The following DMD variants were observed in gnomAD, a reference collection of about 807,000 sequenced individuals.
DMD encodes mutant dystrophin.
Under a neutral mutation model 330.1 loss-of-function variants are expected in DMD, and 63 were observed. The ratio of observed to expected loss-of-function variants is 0.19; its 90% confidence interval spans 0.16 to 0.24. DMD has a LOEUF of 0.24. DMD is among the 10% of genes least tolerant of loss of function. The pLI is 1.00. For missense variants in DMD, 3,344 were observed against 2,684.1 expected, an observed-to-expected ratio of 1.25 and a Z score of -5.43; for synonymous variants, 1,223 against 959.8, an observed-to-expected ratio of 1.27 and a Z score of -5.07.
chrX:32,166,187 G>C (rs1167853903), intron 44 of DMD, among the ~76,000 whole-genome samples: 1 of 111,472 alleles, frequency 9.0e-6, no homozygotes, highest in Non-Finnish European at 1.9e-5. Context: ...GGGCATGGTG[G>C]TTCATGCCTG....
intron 62 of DMD, among the ~76,000 whole-genome samples, chrX:31,275,683 G>A (rs2052053088): frequency 9.0e-6 from 1 of 111,399 alleles, no homozygotes; most frequent in Non-Finnish European, 1.9e-5. Context: ...TGTATGCCAA[G>A]TAGATGATGA....
intron 23 of DMD, among the ~76,000 whole-genome samples, chrX:32,467,362 C>A (rs1223061924): frequency 9.0e-6 from 1 of 110,743 alleles, no homozygotes; most frequent in Non-Finnish European, 1.9e-5. Context: ...GACCTTAATG[C>A]AATTGTTGGT....
chrX:31,340,394 G>A (rs2057665245), intron 61 of DMD, among the ~76,000 whole-genome samples: 1 of 111,805 alleles, frequency 8.9e-6, no homozygotes, highest in African/African-American at 3.2e-5. Flanking sequence ...TACCTTTATT[G>A]TTTTTTTTCC....
intron 67 of DMD, among the ~76,000 whole-genome samples, chrX:31,195,531 C>G (rs1464133872): frequency 9.0e-6 from 1 of 110,670 alleles, no homozygotes; most frequent in African/African-American, 3.3e-5. Context: ...TGTAAAAGAA[C>G]AAGATATAAA....
chrX:33,195,940 C>T (rs1446868759), intron 1 of DMD, among the ~76,000 whole-genome samples: 1 of 111,463 alleles, frequency 9.0e-6, no homozygotes, highest in Admixed American at 9.6e-5. Context: ...ATAATAAGCA[C>T]AGGCTATCTC....
At chrX:32,768,441 G>A (rs756601863) in intron 7 of DMD, among the ~76,000 whole-genome samples, 1 of 112,069 alleles carries the variant, frequency 8.9e-6, no homozygotes, top group African/African-American at 3.2e-5. Context: ...ACCAAGACAA[G>A]TGTATCTGAT....
At chrX:31,521,009 C>T (rs2072703364) in intron 55 of DMD, among the ~76,000 whole-genome samples, 1 of 111,193 alleles carries the variant, frequency 9.0e-6, no homozygotes, top group Non-Finnish European at 1.9e-5. Context: ...AGAACAAGTA[C>T]ATTTGGAAAA....
chrX:31,156,770 A>G (rs1390953113), intron 74 of DMD, among the ~76,000 whole-genome samples: 3 of 112,144 alleles, frequency 2.7e-5, no homozygotes, highest in Admixed American at 9.5e-5. Context: ...AAAACTTCCT[A>G]TAAAAAGAAA....
intron 72 of DMD, 66 bp downstream of exon 72, chrX:31,173,473 A>G: frequency 9.0e-7 from 1 of 1,112,688 alleles, no homozygotes; most frequent in Non-Finnish European, 1.2e-6. Flanking sequence ...TTAAAATATC[A>G]TAGGTTAGCT....
chrX:31,932,016 A>C lies in DMD; in HGVS notation c.6762+64T>G. 3.5e-6 allele frequency: 4 copies of C among 1,148,388 alleles called. No homozygotes were observed. The Admixed American group carries it at 8.9e-5, about 25-fold the overall frequency. The allele number at this position is 1,148,388 out of a possible 1,213,427, so 94.6% of individuals were successfully genotyped here. On this transcript the variant is annotated intron_variant, in intron 46 of 78. Coordinates refer to ENST00000357033, the MANE Select transcript of DMD (RefSeq NM_004006.3). ...GGGCAGAAAACCAATGATTGAATTA[A>C]AAAATAGATTCATATACTTCTTTAT...
intron 4 of DMD, among the ~76,000 whole-genome samples, chrX:32,842,394 G>T (rs1365821088): frequency 8.9e-6 from 1 of 112,090 alleles, no homozygotes; most frequent in Non-Finnish European, 1.9e-5. Context: ...CATTGTAATA[G>T]TGTAAACAAA....
chrX:32,332,268 G>C (rs1176331588), intron 41 of DMD, among the ~76,000 whole-genome samples: 9 of 111,120 alleles, frequency 8.1e-5, no homozygotes, highest in Non-Finnish European at 1.5e-4. Flanking sequence ...GGGAAAAAAA[G>C]ACAATTTTTT....
intron 44 of DMD, among the ~76,000 whole-genome samples, chrX:32,168,143 C>T (rs1426167696): frequency 8.9e-6 from 1 of 111,846 alleles, no homozygotes; most frequent in Non-Finnish European, 1.9e-5. Flanking sequence ...TAAAGTAATT[C>T]ATTGGCATGA....
intron 61 of DMD, among the ~76,000 whole-genome samples, chrX:31,336,156 A>C (rs1330477628): frequency 8.9e-6 from 1 of 112,590 alleles, no homozygotes; most frequent in East Asian, 2.8e-4. Context: ...AACTTCAAAT[A>C]ATTCCTCAGG....
At chrX:33,329,374 G>A (rs1159622484) in intron 1 of DMD, among the ~76,000 whole-genome samples, 1 of 112,005 alleles carries the variant, frequency 8.9e-6, no homozygotes, top group Non-Finnish European at 1.9e-5. Context: ...CTAAAGATGA[G>A]TATTTCACTA....
chrX:33,233,509 C>A (rs1342138819), intron 1 of DMD, among the ~76,000 whole-genome samples: 1 of 112,529 alleles, frequency 8.9e-6, no homozygotes, highest in Non-Finnish European at 1.9e-5. Context: ...TTAGATGGAT[C>A]ATTAAGCAAT....
At chrX:31,150,106 T>A (rs2037220325) in intron 74 of DMD, among the ~76,000 whole-genome samples, 1 of 112,065 alleles carries the variant, frequency 8.9e-6, no homozygotes, top group Admixed American at 9.4e-5. Context: ...TAATTTTTGA[T>A]TATTTGTAGC....
intron 32 of DMD, among the ~76,000 whole-genome samples, chrX:32,388,170 T>C (rs1027444619): frequency 9.0e-6 from 1 of 111,181 alleles, no homozygotes; most frequent in Non-Finnish European, 1.9e-5. Context: ...TCCTTTGTAC[T>C]GACGCAGGGC....
At chrX:31,509,560 A>G (rs1168368458) in intron 55 of DMD, among the ~76,000 whole-genome samples, 2 of 111,880 alleles carry the variant, frequency 1.8e-5, no homozygotes, top group Non-Finnish European at 3.8e-5. Flanking sequence ...AGGATAGTAC[A>G]TTTGAAATTT....
Sources: gnomAD v4.1 joint callset for allele counts (sites outside exome capture counted in the v4.1 genomes callset) on GRCh38, gnomAD v4.1.1 for gene constraint, MANE v1.5 for transcripts, NCBI Gene and HGNC (gene_info 2026-07-23, HGNC 2026-07-21) for gene names.